CMTM7: variants seen among roughly 807,000 people sequenced by gnomAD.
CMTM7 encodes the protein CKLF-like MARVEL transmembrane domain-containing protein 7.
In CMTM7, 7 loss-of-function variants were observed where a neutral mutation model predicts 19.3. The observed-to-expected ratio is 0.36, with a 90% confidence interval of 0.21 to 0.68. The LOEUF (loss-of-function observed/expected upper bound fraction) is 0.68, where lower values mean the gene tolerates loss of function less well. Among genes scored for constraint, CMTM7 ranks in the 30% least tolerant of loss-of-function variants. The probability of loss-of-function intolerance (pLI) is 0.60; values close to 1 mark genes in which losing one functional copy is unlikely to be tolerated. For missense variants in CMTM7, 193 were observed against 232.6 expected, an observed-to-expected ratio of 0.83 and a Z score of 1.11; for synonymous variants, 87 against 99.3, an observed-to-expected ratio of 0.88 and a Z score of 0.74.
intron 1 of CMTM7, among the ~76,000 whole-genome samples, chr3:32,408,922 C>T (rs1016499717): frequency 2.0e-5 from 3 of 151,328 alleles, no homozygotes; most frequent in Admixed American, 6.6e-5. Context: ...CTCGCTCTGT[C>T]GCCAGGCTGG....
intron 1 of CMTM7, among the ~76,000 whole-genome samples, chr3:32,396,469 T>C (rs982625420): frequency 2.0e-5 from 3 of 152,150 alleles, no homozygotes; most frequent in Non-Finnish European, 4.4e-5. Flanking sequence ...ATTGCGTGAC[T>C]GTACTCTAAC....
chr3:32,412,803 A>G (rs1696198759), intron 1 of CMTM7, among the ~76,000 whole-genome samples: 1 of 152,174 alleles, frequency 6.6e-6, no homozygotes. Flanking sequence ...TACCCTACTG[A>G]CAATAATAGA....
At chr3:32,421,403 C>T (rs1696340788) in intron 1 of CMTM7, among the ~76,000 whole-genome samples, 1 of 152,120 alleles carries the variant, frequency 6.6e-6, no homozygotes, top group Non-Finnish European at 1.5e-5. Flanking sequence ...CCCTCTTGTT[C>T]CCAAATATAC....
chr3:32,430,714 T>TGTGTGTGTGTGTGTGTGTGTGAGA (rs10634592), intron 1 of CMTM7, among the ~76,000 whole-genome samples: 4 of 149,712 alleles, frequency 2.7e-5, no homozygotes, highest in African/African-American at 9.9e-5. Flanking sequence ...TGTGTGTGTG[T>TGTGTGTGTGTGTGTGTGTGTGAGA]GACACAGCTC....
intron 1 of CMTM7, among the ~76,000 whole-genome samples, chr3:32,394,394 C>T (rs1695885421): frequency 6.6e-6 from 1 of 152,164 alleles, no homozygotes; most frequent in Admixed American, 6.5e-5. Context: ...CAGGTTGACC[C>T]TTTTGTCCTC....
At chr3:32,395,215 G>C (rs1039452788) in intron 1 of CMTM7, among the ~76,000 whole-genome samples, 4 of 152,110 alleles carry the variant, frequency 2.6e-5, no homozygotes, top group Admixed American at 2.0e-4. Context: ...ATGTTGCCCA[G>C]ACTGGTCTTG....
chr3:32,436,524 G>A (rs571298841), intron 1 of CMTM7, among the ~76,000 whole-genome samples: 20 of 152,246 alleles, frequency 1.3e-4, no homozygotes, highest in Admixed American at 5.2e-4. Context: ...AACAAGCCTG[G>A]CTTTCATCTC....
Position 32,449,251 on chromosome 3 carries a change from C to G in CMTM7, c.334-203C>G, listed in dbSNP as rs1696794637. Among the ~76,000 whole-genome samples the G allele has an allele frequency of 1.3e-5, 2 of 152,234 alleles. No homozygotes were observed. Among genetic ancestry groups the G allele is most frequent in the African/African-American group, 4.8e-5 (2 of 41,460 alleles). ...TTCCCTTCCTGCCTGCCCGGCATCA[C>G]TTCTGTCTTGCTTGGCCTCTTCCTG... On this transcript the variant is annotated intron_variant, in intron 2 of 4. Transcript: ENST00000334983. The surrounding 1 kb of genome is among the most constrained non-coding windows in gnomAD (Gnocchi z 4.5).
At chr3:32,416,631 C>CTG (rs1696271363) in intron 1 of CMTM7, among the ~76,000 whole-genome samples, 1 of 151,716 alleles carries the variant, frequency 6.6e-6, no homozygotes, top group African/African-American at 2.4e-5. Context: ...ACCTCATGAT[C>CTG]CAACCGCCTC....
At chr3:32,406,643 T>C (rs1166390973) in intron 1 of CMTM7, among the ~76,000 whole-genome samples, 3 of 152,206 alleles carry the variant, frequency 2.0e-5, no homozygotes, top group Non-Finnish European at 4.4e-5. Flanking sequence ...TTCTTAGTGT[T>C]TCCCAAGGTT....
chr3:32,440,848 G>T (rs567608040), intron 1 of CMTM7, among the ~76,000 whole-genome samples: 8 of 152,246 alleles, frequency 5.3e-5, no homozygotes, highest in Admixed American at 2.0e-4. Context: ...AATCCCGTGT[G>T]TTACTGGTTT....
intron 2 of CMTM7, among the ~76,000 whole-genome samples, chr3:32,443,254 A>G (rs1261326127): frequency 6.6e-6 from 1 of 150,398 alleles, no homozygotes; most frequent in Non-Finnish European, 1.5e-5. Flanking sequence ...GCATGCCACC[A>G]CACCTGGATA....
At chr3:32,428,440 T>G (rs1696465997) in intron 1 of CMTM7, among the ~76,000 whole-genome samples, 1 of 152,052 alleles carries the variant, frequency 6.6e-6, no homozygotes, top group Non-Finnish European at 1.5e-5. Context: ...GAACTGTCAA[T>G]TAGGAAGGGG....
rs1055953649 is a variant in CMTM7 at position 32,449,603 on chromosome 3, C to T, written c.432+51C>T. On this transcript the variant is annotated intron_variant, in intron 3 of 4. Coordinates refer to ENST00000334983, the MANE Select transcript of CMTM7 (RefSeq NM_138410.4). The surrounding 1 kb of genome is among the most constrained non-coding windows in gnomAD (Gnocchi z 4.5). ...GGAATGAATTCTTATTTAAAATGCT[C>T]ATTTTCTTCCTGATGGGGGAAGAGA... The T allele has an allele frequency of 7.3e-7, 1 of 1,375,746 alleles. No individual in the cohort carries two copies. The highest frequency in any genetic ancestry group is 1.0e-6 in the Non-Finnish European group (1 of 962,684). 85.2% of individuals were successfully genotyped at this position (1,375,746 alleles called of 1,614,324 possible). A position where few individuals can be genotyped will look rare whatever the true frequency, so the allele number is the denominator to read the frequency against.
chr3:32,392,196 G>T (rs1695846242), intron 1 of CMTM7, 131 bp downstream of exon 1: 1 of 733,788 alleles, frequency 1.4e-6, no homozygotes, highest in Non-Finnish European at 1.9e-6. Flanking sequence ...GCGGGGCACC[G>T]CGTCGCTAAA....
At chr3:32,392,498 A>T (rs1310005486) in intron 1 of CMTM7, among the ~76,000 whole-genome samples, 1 of 152,192 alleles carries the variant, frequency 6.6e-6, no homozygotes, top group African/African-American at 2.4e-5. Context: ...TTCCCCGTCC[A>T]CGGCCTCCTC....
In CMTM7 at chr3:32,452,442, C is replaced by G; in HGVS notation, c.483C>G (p.Ser161=). Residue 161 remains serine, a synonymous_variant, in exon 4 of 5, where the codon TCC becomes TCG. Transcript: ENST00000334983. ...TFLCMASIWL[S]YKISCVTQST... ...TCTGCATGGCAAGCATATGGCTGTC[C>G]TATAAGATCTCGTGTGTAACCCAGT... 6.2e-7 allele frequency: 1 copy of G among 1,614,140 alleles called. No homozygotes were observed. Among genetic ancestry groups the G allele is most frequent in the African/African-American group, 1.3e-5 (1 of 75,022 alleles).
intron 1 of CMTM7, among the ~76,000 whole-genome samples, chr3:32,410,892 G>C (rs1411800857): frequency 6.6e-6 from 1 of 152,206 alleles, no homozygotes; most frequent in African/African-American, 2.4e-5. Flanking sequence ...CTAATTTAAA[G>C]CAACACCAGG....
chr3:32,396,638 G>A (rs758020778), intron 1 of CMTM7, among the ~76,000 whole-genome samples: 4 of 152,106 alleles, frequency 2.6e-5, no homozygotes, highest in African/African-American at 9.7e-5. Flanking sequence ...TAGACCTGTG[G>A]ATGAGTGTGA....
Sources: allele counts gnomAD v4.1 joint callset (sites outside exome capture counted in the v4.1 genomes callset), GRCh38; gene constraint gnomAD v4.1.1; non-coding constraint Gnocchi (gnomAD v3.1); transcripts MANE v1.5; gene names NCBI Gene and HGNC (gene_info 2026-07-23, HGNC 2026-07-21).